The following PCDHA1 variants were observed in gnomAD, a reference collection of about 807,000 sequenced individuals.
PCDHA1 encodes the protein protocadherin alpha 1, also known as protocadherin alpha-1.
PCDHA1 carries 42 observed loss-of-function variants against 61.3 expected under a neutral mutation model. The ratio of observed to expected loss-of-function variants is 0.69; its 90% CI spans 0.54 to 0.89. The LOEUF (loss-of-function observed/expected upper bound fraction) is 0.89, where lower values mean the gene tolerates loss of function less well. PCDHA1 is among the 40% of genes least tolerant of loss of function. The pLI, the probability that PCDHA1 is intolerant of heterozygous loss-of-function variation, is 0.00. For missense variants in PCDHA1, 1,256 were observed against 1,235.3 expected (o/e 1.02, Z -0.25); for synonymous variants, 610 against 553.8 (o/e 1.10, Z -1.43).
intron 1 of PCDHA1, among the ~76,000 whole-genome samples, chr5:140,921,612 TATC>T (rs2080294560): frequency 6.6e-6 from 1 of 152,158 alleles, no homozygotes; most frequent in Non-Finnish European, 1.5e-5. Flanking sequence ...ATAAGAAAAA[TATC>T]ATCAGATCAT....
rs1554145927 is a variant in PCDHA1, at chr5:140,852,587, T to TA, written c.2394+63903_2394+63904insA. ...CACTGTGCCAAGGCTTTTTTATTTT[T>TA]TTTTTTTGTCATTTTCTTTCAAAAC... On this transcript the variant is annotated intron_variant, in intron 1 of 3. Coordinates refer to ENST00000504120, the MANE Select transcript of PCDHA1 (RefSeq NM_018900.4). 484 of 881,862 alleles carry TA rather than the reference T, an allele frequency of 5.5e-4. 26 individuals are homozygous for TA. Among genetic ancestry groups the TA allele is most frequent in the African/African-American group, 4.5e-3 (245 of 54,698 alleles). 54.6% of individuals were successfully genotyped at this position (881,862 alleles called of 1,614,324 possible). A position where few individuals can be genotyped will look rare whatever the true frequency, so the allele number is the denominator to read the frequency against.
chr5:140,858,016 G>T, intron 1 of PCDHA1: 1 of 1,596,850 alleles, frequency 6.3e-7, no homozygotes, highest in Non-Finnish European at 8.6e-7. Context: ...ATGGCGAGCC[G>T]TCGCTGACGG....
At chr5:140,980,149 A>G (rs1287895980) in intron 2 of PCDHA1, among the ~76,000 whole-genome samples, 1 of 152,184 alleles carries the variant, frequency 6.6e-6, no homozygotes, top group East Asian at 1.9e-4. Flanking sequence ...ATTCATGCAT[A>G]TACCAGAATA....
chr5:140,873,412 T>C (rs2054273798), intron 1 of PCDHA1, among the ~76,000 whole-genome samples: 1 of 152,210 alleles, frequency 6.6e-6, no homozygotes, highest in Non-Finnish European at 1.5e-5. Context: ...GGTTAAAATT[T>C]TGTAAATTAT....
intron 1 of PCDHA1, chr5:140,870,246 C>T (rs782184125): frequency 1.9e-6 from 3 of 1,614,168 alleles, no homozygotes; most frequent in South Asian, 2.2e-5. Flanking sequence ...CAGGTGTCAA[C>T]GGACAGGTGA....
chr5:140,871,610 T>C (rs2053222652), intron 1 of PCDHA1: 1 of 1,429,404 alleles, frequency 7.0e-7, no homozygotes, highest in South Asian at 1.5e-5. Context: ...GTTTTGAATA[T>C]TGTTTTAGAT....
chr5:140,870,793 C>T, intron 1 of PCDHA1: 2 of 1,613,678 alleles, frequency 1.2e-6, no homozygotes, highest in Non-Finnish European at 1.7e-6. Context: ...CGCGCCGGCA[C>T]TGCTGGCGAC....
intron 1 of PCDHA1, chr5:140,883,811 G>C (rs782535066): frequency 6.2e-7 from 1 of 1,612,586 alleles, no homozygotes; most frequent in South Asian, 1.1e-5. Context: ...CGCGGAGAGC[G>C]GCAAGGTGTA....
rs1554205452 is a variant in PCDHA1 at position 140,928,080 on chromosome 5, C to T, written c.2395-50869C>T. ...CGGCTTCCTTTGACAACTACTACAG[C>T]CTGCTGATTGATGGGCCCCTGGACC... On this transcript the variant is annotated intron_variant, in intron 1 of 3. Transcript: ENST00000504120. The T allele has an allele frequency of 2.5e-6, 4 of 1,614,072 alleles. No homozygotes were observed. The African/African-American group carries it at 4.0e-5, about 16-fold the overall frequency.
At position 140,854,083 on chromosome 5, in the gene PCDHA1, G is replaced by T. The variant is rs545797216; in HGVS notation, c.2394+65399G>T. 8.5e-5 allele frequency: 23 copies of T among 269,910 alleles called. No individual in the cohort carries two copies. The East Asian group carries it at 3.2e-3, about 37-fold the overall frequency. The allele number at this position is 269,910 out of a possible 1,614,324, so 16.7% of individuals were successfully genotyped here. ...AGGCTGAGGCGAGAGAATCGCTTGA[G>T]CCTGGGACATTGAGGCTGCAGTGAA... On this transcript the variant is annotated intron_variant, in intron 1 of 3. Transcript: ENST00000504120.
chr5:140,997,995 T>C (rs573319923), intron 3 of PCDHA1, among the ~76,000 whole-genome samples: 1 of 152,304 alleles, frequency 6.6e-6, no homozygotes, highest in East Asian at 1.9e-4. Flanking sequence ...CATACTTCCC[T>C]CTGAGCCTTC....
Position 140,937,138 on chromosome 5 carries a change from T to C in PCDHA1, c.2395-41811T>C, listed in dbSNP as rs368450201. On this transcript the variant is annotated intron_variant, in intron 1 of 3. Coordinates refer to ENST00000504120, the MANE Select transcript of PCDHA1 (RefSeq NM_018900.4). ...CTGCAAGCTCCGCCTCCCGGGTTCA[T>C]GCCATTCTCCTGCCTCAGCCTCCCG... is the stretch of plus-strand genomic sequence containing the variant. 1.7e-4 allele frequency among the ~76,000 whole-genome samples: 25 copies of C among 151,290 alleles called. 1 individual carries two copies. In the South Asian group the frequency reaches 2.7e-3, roughly 16 times the overall value.
intron 1 of PCDHA1, chr5:140,875,805 C>A: frequency 6.2e-7 from 1 of 1,614,172 alleles, no homozygotes; most frequent in Non-Finnish European, 8.5e-7. Context: ...TGATCGTGGA[C>A]AGGCCGCTGC....
intron 1 of PCDHA1, chr5:140,883,572 T>C: frequency 6.2e-7 from 1 of 1,614,098 alleles, no homozygotes; most frequent in Non-Finnish European, 8.5e-7. Flanking sequence ...TCGCCTTCGC[T>C]GTGGGCCACG....
chr5:140,942,633 G>A (rs1554215141), intron 1 of PCDHA1, among the ~76,000 whole-genome samples: 1 of 151,496 alleles, frequency 6.6e-6, no homozygotes, highest in Admixed American at 6.6e-5. Context: ...AAAAAAAATG[G>A]CAAAAGAGAT....
intron 3 of PCDHA1, among the ~76,000 whole-genome samples, chr5:141,000,414 TA>T (rs1441995674): frequency 2.8e-4 from 28 of 99,544 alleles, no homozygotes; most frequent in African/African-American, 3.7e-4. Flanking sequence ...TATATATATA[TA>T]TATATATTTT....
chr5:140,823,521 G>T, intron 1 of PCDHA1: 2 of 1,613,692 alleles, frequency 1.2e-6, no homozygotes, highest in Non-Finnish European at 8.5e-7. Context: ...TGGTGCCGAG[G>T]TCAGTGGGTG....
At chr5:140,979,386 A>C (rs1374804536) in intron 2 of PCDHA1, among the ~76,000 whole-genome samples, 1 of 152,142 alleles carries the variant, frequency 6.6e-6, no homozygotes, top group East Asian at 1.9e-4. Flanking sequence ...TGTGCAATGT[A>C]TACATACATG....
chr5:140,842,009 G>A, intron 1 of PCDHA1: 3 of 1,613,748 alleles, frequency 1.9e-6, no homozygotes, highest in Non-Finnish European at 2.5e-6. Flanking sequence ...TCAGCTGCTG[G>A]TCACAGTGCT....
Sources: gnomAD v4.1 joint callset for allele counts (sites outside exome capture counted in the v4.1 genomes callset) on GRCh38, gnomAD v4.1.1 for gene constraint, MANE v1.5 for transcripts, NCBI Gene and HGNC (gene_info 2026-07-23, HGNC 2026-07-21) for gene names.